FBXO36: variants seen among roughly 807,000 people sequenced by gnomAD.
FBXO36 encodes F-box protein 36.
Under a neutral mutation model 17.0 loss-of-function variants are expected in FBXO36, and 18 were observed. The ratio of observed to expected loss-of-function variants is 1.06; its 90% CI spans 0.73 to 1.57. FBXO36 has a LOEUF of 1.57. Ranked by LOEUF, FBXO36 falls within the 40% of genes most tolerant of loss-of-function variation. The pLI is 0.00. For synonymous variants in FBXO36, 83 were observed against 85.3 expected (o/e 0.97, Z 0.15); for missense variants, 229 against 221.9 (o/e 1.03, Z -0.20).
At position 229,993,366 on chromosome 2, in the gene FBXO36, G is replaced by A. The variant is rs140154173; in HGVS notation, c.206-3385G>A. 7.0e-4 allele frequency among the ~76,000 whole-genome samples: 106 copies of A among 152,334 alleles called. 2 individuals are homozygous for A. The East Asian group carries it at 0.017, about 24-fold the overall frequency. ...CAAAAGAACTTGTCAGGACATGGCC[G>A]TTGGCTTCTCGCAGAGTGAGTGATC... On this transcript the variant is annotated intron_variant, in intron 2 of 3. Transcript: ENST00000283946.
chr2:229,942,413 A>G (rs1041454373), intron 1 of FBXO36, among the ~76,000 whole-genome samples: 2 of 152,050 alleles, frequency 1.3e-5, no homozygotes. Flanking sequence ...CCTACCCTGC[A>G]TAAAAATGCT....
At chr2:229,947,018 A>G (rs1179426703) in intron 1 of FBXO36, among the ~76,000 whole-genome samples, 1 of 152,070 alleles carries the variant, frequency 6.6e-6, no homozygotes, top group East Asian at 1.9e-4. Flanking sequence ...AATACAAAAA[A>G]TTAGCTGGGC....
At chr2:229,975,439 G>C (rs923767939) in intron 1 of FBXO36, among the ~76,000 whole-genome samples, 1 of 151,650 alleles carries the variant, frequency 6.6e-6, no homozygotes, top group Non-Finnish European at 1.5e-5. Flanking sequence ...ATTTGGCTCC[G>C]GGTGATTTTA....
chr2:229,938,531 C>G (rs970001839), intron 1 of FBXO36, among the ~76,000 whole-genome samples: 1 of 147,060 alleles, frequency 6.8e-6, no homozygotes, highest in Non-Finnish European at 1.5e-5. Context: ...GTCGCCCAGG[C>G]TGGTATGCAA....
intron 2 of FBXO36, among the ~76,000 whole-genome samples, chr2:229,983,978 C>T (rs1280499808): frequency 6.6e-6 from 1 of 152,154 alleles, no homozygotes; most frequent in Non-Finnish European, 1.5e-5. Context: ...CTCCAAGCTC[C>T]CTTCCCCAGA....
chr2:229,935,889 A>G (rs770161574), intron 1 of FBXO36, among the ~76,000 whole-genome samples: 2 of 152,202 alleles, frequency 1.3e-5, no homozygotes, highest in South Asian at 2.1e-4. Flanking sequence ...AGTGGGAGAT[A>G]GAGATACTGA....
intron 3 of FBXO36, among the ~76,000 whole-genome samples, chr2:230,001,741 A>C (rs946715912): frequency 2.6e-5 from 4 of 152,166 alleles, no homozygotes; most frequent in African/African-American, 9.7e-5. Flanking sequence ...GCTCAAGATC[A>C]GTGCTACCTG....
chr2:229,973,932 C>T (rs2106192812), intron 1 of FBXO36, among the ~76,000 whole-genome samples: 1 of 151,880 alleles, frequency 6.6e-6, no homozygotes, highest in East Asian at 1.9e-4. Context: ...CGCCTGTGGT[C>T]CCAGCTACTC....
At chr2:229,963,819 G>C (rs1469238023) in intron 1 of FBXO36, among the ~76,000 whole-genome samples, 1 of 152,142 alleles carries the variant, frequency 6.6e-6, no homozygotes, top group Non-Finnish European at 1.5e-5. Flanking sequence ...TGAGTCACAG[G>C]ATGAAAGCAT....
intron 1 of FBXO36, among the ~76,000 whole-genome samples, chr2:229,960,163 T>C (rs1398531910): frequency 5.9e-5 from 9 of 151,934 alleles, no homozygotes; most frequent in African/African-American, 2.2e-4. Context: ...ATCTAGAATT[T>C]ATTTATTTAT....
At chr2:229,928,973 A>ATTTTTTT (rs11440617) in intron 1 of FBXO36, among the ~76,000 whole-genome samples, 1 of 144,854 alleles carries the variant, frequency 6.9e-6, no homozygotes. Context: ...TTTTCTTTTC[A>ATTTTTTT]TTTTTTTTTT....
At chr2:229,995,596 C>CTGTATTTTT (rs2077322352) in intron 2 of FBXO36, among the ~76,000 whole-genome samples, 1 of 132,102 alleles carries the variant, frequency 7.6e-6, no homozygotes, top group Non-Finnish European at 1.5e-5. Flanking sequence ...TTCTTTCTTT[C>CTGTATTTTT]TTTTTTTTTT....
At chr2:229,957,062 G>T (rs2077092187) in intron 1 of FBXO36, among the ~76,000 whole-genome samples, 2 of 152,154 alleles carry the variant, frequency 1.3e-5, no homozygotes, top group South Asian at 4.1e-4. Context: ...AACAGGAGTG[G>T]AGGAAGATTT....
chr2:229,934,960 T>C (rs1045920626), intron 1 of FBXO36, among the ~76,000 whole-genome samples: 17 of 152,248 alleles, frequency 1.1e-4, no homozygotes, highest in Non-Finnish European at 2.2e-4. Flanking sequence ...TACAAATAAA[T>C]GTGCTGCTGA....
In FBXO36 at chr2:229,964,003, A is replaced by G. The variant is rs116788437; in HGVS notation, c.97-12238A>G. Among the ~76,000 whole-genome samples, 1,121 of 152,290 alleles carry G rather than the reference A, an allele frequency of 7.4e-3. 15 individuals carry two copies. Among genetic ancestry groups the G allele is most frequent in the African/African-American group, 0.025 (1,056 of 41,562 alleles). On this transcript the variant is annotated intron_variant, in intron 1 of 3. Transcript: ENST00000283946. ...TATGATTTTAATATGCTTTACTATTATGAGTAAAATTGAGCATCTTTTTAT... is the reference window on the plus strand; with the variant it reads ...TATGATTTTAATATGCTTTACTATTGTGAGTAAAATTGAGCATCTTTTTAT...
chr2:229,925,486 G>A (rs994946463), intron 1 of FBXO36, among the ~76,000 whole-genome samples: 1 of 152,094 alleles, frequency 6.6e-6, no homozygotes, highest in Non-Finnish European at 1.5e-5. Context: ...TTATAAGATA[G>A]ATTTTTTTTC....
chr2:229,933,067 T>G lies in FBXO36; in HGVS notation c.96+10458T>G, dbSNP rs998872847. Among the ~76,000 whole-genome samples the G allele has an allele frequency of 8.5e-5, 13 of 152,116 alleles. No homozygotes were observed. In the East Asian group the frequency reaches 1.7e-3, roughly 20 times the overall value. ...GGGTGGGCAACAGAGCGAGATTCCG[T>G]CTCAAAAAAAGAAAAAAATTGAGTT... On this transcript the variant is annotated intron_variant, in intron 1 of 3. Transcript: ENST00000283946.
chr2:230,008,938 TTA>T (rs1232377691), intron 3 of FBXO36, among the ~76,000 whole-genome samples: 1 of 152,224 alleles, frequency 6.6e-6, no homozygotes, highest in Non-Finnish European at 1.5e-5. Context: ...GCAATAACCA[TTA>T]TGTGACTATA....
At chr2:229,948,296 A>G (rs1288988074) in intron 1 of FBXO36, among the ~76,000 whole-genome samples, 1 of 152,186 alleles carries the variant, frequency 6.6e-6, no homozygotes, top group Non-Finnish European at 1.5e-5. Flanking sequence ...GTTGGGTTAA[A>G]TATTTTTCAT....
Sources: allele counts gnomAD v4.1 joint callset (sites outside exome capture counted in the v4.1 genomes callset), GRCh38; gene constraint gnomAD v4.1.1; transcripts MANE v1.5; gene names NCBI Gene and HGNC (gene_info 2026-07-23, HGNC 2026-07-21).